Variants in ENKUR observed in about 807,000 individuals in gnomAD.
ENKUR encodes the protein enkurin.
Under a neutral mutation model 27.6 loss-of-function variants are expected in ENKUR, and 19 were observed. The observed-to-expected ratio is 0.69, with a 90% CI of 0.48 to 1.01. ENKUR has a LOEUF of 1.01. Among genes scored for constraint, ENKUR ranks in the 50% least tolerant of loss-of-function variants. ENKUR has a pLI of 0.00. For missense variants in ENKUR, 312 were observed against 310.5 expected, an observed-to-expected ratio of 1.00 and a Z score of -0.04; for synonymous variants, 117 against 96.9, an observed-to-expected ratio of 1.21 and a Z score of -1.22.
intron 2 of ENKUR, among the ~76,000 whole-genome samples, chr10:25,054,740 T>A (rs2130492836): frequency 6.6e-6 from 1 of 151,268 alleles, no homozygotes; most frequent in South Asian, 2.1e-4. Context: ...TGGAGTGCAG[T>A]GGTGCAATCA....
intron 1 of ENKUR, among the ~76,000 whole-genome samples, chr10:25,008,076 T>C (rs560036997): frequency 6.6e-6 from 1 of 151,134 alleles, no homozygotes; most frequent in South Asian, 2.1e-4. Context: ...TGAAGAGAAG[T>C]AGTCTTGTGG....
At chr10:25,021,283 T>C (rs893980263) in intron 2 of ENKUR, among the ~76,000 whole-genome samples, 28 of 152,258 alleles carry the variant, frequency 1.8e-4, no homozygotes, top group Admixed American at 1.8e-3. Flanking sequence ...GGTATCTTTT[T>C]GTGGCAAGAG....
At chr10:25,042,876 G>A (rs1319245109) in intron 2 of ENKUR, among the ~76,000 whole-genome samples, 1 of 151,740 alleles carries the variant, frequency 6.6e-6, no homozygotes, top group East Asian at 1.9e-4. Context: ...ATTAAAAGGT[G>A]GAAGAAATGT....
chr10:25,037,985 A>G (rs1471105958), intron 2 of ENKUR, among the ~76,000 whole-genome samples: 1 of 152,226 alleles, frequency 6.6e-6, no homozygotes, highest in Non-Finnish European at 1.5e-5. Context: ...GATAACTAGC[A>G]GTAAAATAGA....
chr10:25,023,278 T>C (rs1850761066), intron 2 of ENKUR: 4 of 1,613,960 alleles, frequency 2.5e-6, no homozygotes, highest in Non-Finnish European at 3.4e-6. Context: ...GAAATGTTTT[T>C]CTAGTATACA....
chr10:25,041,240 A>G (rs1053021097), intron 2 of ENKUR, among the ~76,000 whole-genome samples: 1 of 152,074 alleles, frequency 6.6e-6, no homozygotes, highest in African/African-American at 2.4e-5. Flanking sequence ...TATGATTTGG[A>G]TGAGAAACTG....
At chr10:25,016,894 C>G (rs544894833), upstream of ENKUR, 3 of 152,832 alleles carry the variant, frequency 2.0e-5, no homozygotes, top group Admixed American at 6.5e-5. Flanking sequence ...CGCTGGTCAT[C>G]TCAACTCTGC....
chr10:24,984,973 A>C (rs1194439400), intron 4 of ENKUR, 68 bp from the exon 5 acceptor site: 3 of 1,201,608 alleles, frequency 2.5e-6, no homozygotes, highest in Non-Finnish European at 3.6e-6. Flanking sequence ...GGGAAAAGCT[A>C]ATTGGTAATG....
At chr10:24,990,305 G>C (rs907467624) in intron 4 of ENKUR, among the ~76,000 whole-genome samples, 158 bp downstream of exon 4, 1 of 152,208 alleles carries the variant, frequency 6.6e-6, no homozygotes, top group Non-Finnish European at 1.5e-5. Flanking sequence ...TCTCTCCAAA[G>C]AGTCAGCTTT....
intron 1 of ENKUR, among the ~76,000 whole-genome samples, chr10:25,014,375 C>T (rs1355313287): frequency 6.6e-6 from 1 of 152,106 alleles, no homozygotes; most frequent in African/African-American, 2.4e-5. Context: ...CTTTCTTCTA[C>T]TCATTTCTTC....
intron 2 of ENKUR, among the ~76,000 whole-genome samples, chr10:25,056,357 A>T (rs1368978483): frequency 6.6e-6 from 1 of 152,224 alleles, no homozygotes; most frequent in Non-Finnish European, 1.5e-5. Flanking sequence ...ATCAATTCCA[A>T]TGCAGGTCAG....
intron 1 of ENKUR, among the ~76,000 whole-genome samples, chr10:25,003,337 G>T (rs1345963353): frequency 1.3e-5 from 2 of 152,122 alleles, no homozygotes; most frequent in Non-Finnish European, 2.9e-5. Context: ...CTCCTGAGTA[G>T]CTGGGACTAC....
At chr10:24,996,459 T>C (rs941442138) in intron 2 of ENKUR, among the ~76,000 whole-genome samples, 22 of 142,152 alleles carry the variant, frequency 1.5e-4, no homozygotes, top group African/African-American at 6.0e-4. Context: ...TGTGTGTGTA[T>C]ATATATATAT....
At chr10:25,042,211 G>A (rs1851071740) in intron 2 of ENKUR, among the ~76,000 whole-genome samples, 1 of 149,340 alleles carries the variant, frequency 6.7e-6, no homozygotes, top group Non-Finnish European at 1.5e-5. Context: ...GAGAAAGAGA[G>A]AAAGATTAAA....
chr10:25,046,683 T>G (rs1377895753), intron 2 of ENKUR, among the ~76,000 whole-genome samples: 1 of 152,184 alleles, frequency 6.6e-6, no homozygotes, highest in Non-Finnish European at 1.5e-5. Context: ...ATTTTTCACT[T>G]TCTACAAAAT....
intron 1 of ENKUR, among the ~76,000 whole-genome samples, chr10:25,013,705 G>A (rs1850502341): frequency 6.6e-6 from 1 of 152,214 alleles, no homozygotes. Context: ...CACTTTGGGA[G>A]GCAGAGGTGG....
intron 2 of ENKUR, chr10:25,025,349 T>C: frequency 6.2e-7 from 1 of 1,614,200 alleles, no homozygotes; most frequent in South Asian, 1.1e-5. Context: ...GAGGCTTTAT[T>C]AGAGAGAACA....
chr10:25,023,031 T>C (rs185624668), intron 2 of ENKUR: 295 of 500,794 alleles, frequency 5.9e-4, no homozygotes, highest in Middle Eastern at 2.7e-3. Context: ...ATACTTTTTT[T>C]AATTCCATAA....
chr10:25,029,529 AT>A (rs1239334632), intron 2 of ENKUR, among the ~76,000 whole-genome samples: 3 of 150,056 alleles, frequency 2.0e-5, no homozygotes, highest in East Asian at 4.0e-4. Flanking sequence ...ACCTTTTGTA[AT>A]TCAGACTACG....
Sources: gnomAD v4.1 joint callset for allele counts (sites outside exome capture counted in the v4.1 genomes callset) on GRCh38, gnomAD v4.1.1 for gene constraint, MANE v1.5 for transcripts, NCBI Gene and HGNC (gene_info 2026-07-23, HGNC 2026-07-21) for gene names.